Variants in NME7 observed in about 807,000 individuals in gnomAD.
NME7 encodes the protein nucleoside diphosphate kinase 7.
In NME7, 41 loss-of-function variants were observed where a neutral mutation model predicts 49.1. That is an observed-to-expected ratio of 0.83 (90% CI 0.65 to 1.08). NME7 has a LOEUF of 1.08. Among genes scored for constraint, NME7 ranks in the 50% least tolerant of loss-of-function variants. The probability of loss-of-function intolerance (pLI) is 0.00; values close to 1 mark genes in which losing one functional copy is unlikely to be tolerated. For synonymous variants in NME7, 139 were observed against 150.6 expected (o/e 0.92, Z 0.56); for missense variants, 423 against 463.4 (o/e 0.91, Z 0.80).
chr1:169,323,725 T>C (rs1392417875), intron 2 of NME7, among the ~76,000 whole-genome samples: 2 of 152,172 alleles, frequency 1.3e-5, no homozygotes, highest in Admixed American at 6.5e-5. Context: ...ATTTGACTTT[T>C]TGTAGCAATA....
intron 1 of NME7, among the ~76,000 whole-genome samples, chr1:169,359,902 T>C (rs1304736470): frequency 6.6e-6 from 1 of 152,136 alleles, no homozygotes; most frequent in Admixed American, 6.6e-5. Context: ...AAAATAAATG[T>C]GAATTAAGCA....
Position 169,342,999 on chromosome 1 carries a change from A to G in NME7, c.4-18499T>C, listed in dbSNP as rs927498886. Among the ~76,000 whole-genome samples, 23 of 127,942 alleles carry G rather than the reference A, an allele frequency of 1.8e-4. 1 individual carries two copies. Among genetic ancestry groups the G allele is most frequent in the African/African-American group, 5.2e-4 (19 of 36,462 alleles). The allele number at this position is 127,942 out of a possible 152,430, so 83.9% of individuals were successfully genotyped here. On this transcript the variant is annotated intron_variant, in intron 1 of 11. Coordinates refer to ENST00000367811, the MANE Select transcript of NME7 (RefSeq NM_013330.5). ...AGTACATATATATACTTGTATTAGT[A>G]TATATATATATATATGCATATATAT...
intron 7 of NME7, among the ~76,000 whole-genome samples, chr1:169,264,306 G>A (rs1352060664): frequency 4.5e-5 from 6 of 134,124 alleles, no homozygotes; most frequent in African/African-American, 1.5e-4. Flanking sequence ...AGAGTAGCAA[G>A]TTGGATAAAG....
chr1:169,135,260 G>C (rs749595405), intron 11 of NME7, among the ~76,000 whole-genome samples: 1 of 152,042 alleles, frequency 6.6e-6, no homozygotes, highest in East Asian at 1.9e-4. Context: ...GTCTGCTCCA[G>C]CTGCACCTAA....
At chr1:169,197,246 T>C (rs1214708298) in intron 10 of NME7, among the ~76,000 whole-genome samples, 1 of 152,190 alleles carries the variant, frequency 6.6e-6, no homozygotes, top group African/African-American at 2.4e-5. Context: ...ATAAAAACTA[T>C]GCTTTTAGAT....
At chr1:169,170,509 A>C (rs927886179) in intron 10 of NME7, among the ~76,000 whole-genome samples, 2 of 152,232 alleles carry the variant, frequency 1.3e-5, no homozygotes, top group Non-Finnish European at 2.9e-5. Context: ...TATTATGTTT[A>C]GGAAAAACAT....
chr1:169,363,608 C>G (rs1032978198), intron 1 of NME7, among the ~76,000 whole-genome samples: 1 of 152,196 alleles, frequency 6.6e-6, no homozygotes, highest in African/African-American at 2.4e-5. Context: ...ATTTTCCCTA[C>G]TGCAGCCACC....
intron 10 of NME7, among the ~76,000 whole-genome samples, chr1:169,229,610 T>G (rs1203789964): frequency 1.3e-5 from 2 of 152,218 alleles, no homozygotes; most frequent in Non-Finnish European, 2.9e-5. Flanking sequence ...TAGCAGCACT[T>G]TGACACAAGA....
chr1:169,149,273 G>A lies in NME7; in HGVS notation c.1099-16456C>T, dbSNP rs1468792007. On this transcript the variant is annotated intron_variant, in intron 11 of 11. Coordinates refer to ENST00000367811, the MANE Select transcript of NME7 (RefSeq NM_013330.5). Reference sequence around the variant, plus strand: ...GGAGATTTGCTTGAACCTGGGAGGCGGAGGTTGCAGTGAGCCAAGATCCTG... The same window carrying A: ...GGAGATTTGCTTGAACCTGGGAGGCAGAGGTTGCAGTGAGCCAAGATCCTG... Among the ~76,000 whole-genome samples, 4 of 152,192 alleles carry A rather than the reference G, an allele frequency of 2.6e-5. No individual in the cohort carries two copies. In the South Asian group the frequency reaches 6.2e-4, roughly 24 times the overall value.
At chr1:169,345,171 C>T (rs762133375) in intron 1 of NME7, among the ~76,000 whole-genome samples, 7 of 152,010 alleles carry the variant, frequency 4.6e-5, no homozygotes, top group Non-Finnish European at 7.4e-5. Flanking sequence ...GGGATAGGAG[C>T]GATGTCTCCT....
At chr1:169,231,173 AAAAAACCTTTT>A (rs1647597822) in intron 9 of NME7, among the ~76,000 whole-genome samples, 2 of 152,192 alleles carry the variant, frequency 1.3e-5, no homozygotes, top group Non-Finnish European at 2.9e-5. Flanking sequence ...GTTTTATCCT[AAAAAACCTTTT>A]AAAAATCATA....
intron 1 of NME7, among the ~76,000 whole-genome samples, chr1:169,333,383 A>G (rs985088044): frequency 6.6e-6 from 1 of 152,164 alleles, no homozygotes; most frequent in Admixed American, 6.5e-5. Flanking sequence ...AAAAAGAATG[A>G]CTAAGACCTA....
intron 1 of NME7, among the ~76,000 whole-genome samples, chr1:169,344,002 A>G (rs1652868922): frequency 6.6e-6 from 1 of 152,194 alleles, no homozygotes; most frequent in South Asian, 2.1e-4. Context: ...ACTAATTTAG[A>G]GAGAATCACC....
At chr1:169,251,042 T>C (rs1648550503) in intron 7 of NME7, among the ~76,000 whole-genome samples, 1 of 152,168 alleles carries the variant, frequency 6.6e-6, no homozygotes. Flanking sequence ...ACTTTCTGTC[T>C]TGATGATCTG....
At position 169,269,935 on chromosome 1, in the gene NME7, A is replaced by G. The variant is rs148527399; in HGVS notation, c.754+17368T>C. Among the ~76,000 whole-genome samples, 9 of 132,868 alleles carry G rather than the reference A, an allele frequency of 6.8e-5. 2 individuals are homozygous for G. The highest frequency in any genetic ancestry group is 2.0e-4 in the East Asian group (1 of 5,022). 87.2% of individuals were successfully genotyped at this position (132,868 alleles called of 152,430 possible). On this transcript the variant is annotated intron_variant, in intron 7 of 11. Transcript: ENST00000367811. ...ATTTCCAATTTATTTATTTTTCTCT[A>G]TCTCTCTCTCTTTTTAATATAGACA...
intron 11 of NME7, among the ~76,000 whole-genome samples, chr1:169,145,785 C>T (rs1414283918): frequency 1.3e-5 from 2 of 152,204 alleles, no homozygotes; most frequent in Admixed American, 6.5e-5. Flanking sequence ...GGAGGAAAAT[C>T]GAATTGTTAT....
intron 5 of NME7, among the ~76,000 whole-genome samples, chr1:169,299,414 G>T (rs1650844602): frequency 6.6e-6 from 1 of 152,048 alleles, no homozygotes; most frequent in Non-Finnish European, 1.5e-5. Context: ...GTCCCCCAAG[G>T]TATAAAAGAC....
intron 10 of NME7, among the ~76,000 whole-genome samples, chr1:169,212,320 A>G (rs1477037199): frequency 6.6e-6 from 1 of 152,306 alleles, no homozygotes; most frequent in East Asian, 1.9e-4. Context: ...CTTTTAAAAA[A>G]GTCATTTAAA....
intron 7 of NME7, among the ~76,000 whole-genome samples, chr1:169,240,430 T>G (rs1446990729): frequency 2.0e-5 from 3 of 152,040 alleles, no homozygotes; most frequent in Non-Finnish European, 4.4e-5. Context: ...GGAGTATATT[T>G]AGTTGAAAAA....
Sources: gnomAD v4.1 joint callset for allele counts (sites outside exome capture counted in the v4.1 genomes callset) on GRCh38, gnomAD v4.1.1 for gene constraint, MANE v1.5 for transcripts, NCBI Gene and HGNC (gene_info 2026-07-23, HGNC 2026-07-21) for gene names.